Variants in SPHKAP observed in about 807,000 individuals in gnomAD.
SPHKAP encodes A-kinase anchor protein SPHKAP.
A neutral mutation model predicts 137.5 loss-of-function variants in SPHKAP; 67 were observed. The ratio of observed to expected loss-of-function variants is 0.49; its 90% CI spans 0.40 to 0.60. SPHKAP has a LOEUF of 0.60. Among genes scored for constraint, SPHKAP ranks in the 20% least tolerant of loss-of-function variants. SPHKAP has a pLI of 0.00. For synonymous variants in SPHKAP, 813 were observed against 785.3 expected (o/e 1.04, Z -0.59); for missense variants, 2,097 against 2,069.3 (o/e 1.01, Z -0.26).
chr2:228,173,747 T>C (rs776893343), intron 1 of SPHKAP, among the ~76,000 whole-genome samples: 10 of 152,208 alleles, frequency 6.6e-5, no homozygotes, highest in Non-Finnish European at 1.5e-4. Context: ...TGTGAGATGA[T>C]AAATGTATTG....
chr2:228,164,914 G>T (rs981504607), intron 1 of SPHKAP, among the ~76,000 whole-genome samples: 5 of 152,178 alleles, frequency 3.3e-5, no homozygotes, highest in African/African-American at 1.2e-4. Context: ...GCGCACACAT[G>T]TCAATTTGCT....
intron 1 of SPHKAP, among the ~76,000 whole-genome samples, chr2:228,170,634 GT>G (rs869083518): frequency 6.6e-6 from 1 of 151,926 alleles, no homozygotes; most frequent in South Asian, 2.1e-4. Context: ...TTTTAATATA[GT>G]TTTTTTAAAT....
At position 228,062,409 on chromosome 2, in the gene SPHKAP, G is replaced by A. The variant is rs1057278539; in HGVS notation, c.247-34866C>T. 5.3e-5 allele frequency among the ~76,000 whole-genome samples: 8 copies of A among 151,970 alleles called. No homozygotes were observed. The East Asian group carries it at 7.7e-4, about 15-fold the overall frequency. On this transcript the variant is annotated intron_variant, in intron 3 of 11. Transcript: ENST00000392056. Reference sequence around the variant, plus strand: ...CAAAGTGCTGGGATTACAGGCAGGCGTGAGCCACCACACCCGGCCTCCCCA... The same window carrying A: ...CAAAGTGCTGGGATTACAGGCAGGCATGAGCCACCACACCCGGCCTCCCCA...
In SPHKAP at chr2:228,154,474, T is replaced by C. The variant is rs574904967; in HGVS notation, c.33-22389A>G. Among the ~76,000 whole-genome samples, 488 of 125,412 alleles carry C rather than the reference T, an allele frequency of 3.9e-3. 2 individuals are homozygous for C. Among genetic ancestry groups the C allele is most frequent in the African/African-American group, 0.014 (467 of 34,036 alleles). The allele number at this position is 125,412 out of a possible 152,430, so 82.3% of individuals were successfully genotyped here. Reference sequence around the variant, plus strand: ...TTAAATTCTATTTTTGTACAATTTGTAAATAAACTCTCTCTCTCTCTCTCT... The same window carrying C: ...TTAAATTCTATTTTTGTACAATTTGCAAATAAACTCTCTCTCTCTCTCTCT... On this transcript the variant is annotated intron_variant, in intron 1 of 11. Coordinates refer to ENST00000392056, the MANE Select transcript of SPHKAP (RefSeq NM_001142644.2).
rs1477385127 is a variant in SPHKAP, at chr2:228,016,819, C to T, written c.4035G>A (p.Glu1345=). 3.1e-6 allele frequency: 5 copies of T among 1,613,944 alleles called. No individual in the cohort carries two copies. Among genetic ancestry groups the T allele is most frequent in the Non-Finnish European group, 2.5e-6 (3 of 1,180,002 alleles). The change falls in exon 7 of 12, where the codon GAG becomes GAA. Residue 1345 remains glutamate, a synonymous_variant. Coordinates refer to ENST00000392056, the MANE Select transcript of SPHKAP (RefSeq NM_001142644.2). The part of the protein sequence containing the change: ...PVSGGSPSQA[E]KCANRLAASR... The stretch of plus-strand genomic sequence containing the variant: ...TCGCAGCTAATCTATTTGCACACTT[C>T]TCTGCTTGCGAGGGAGAGCCACCAG...
chr2:228,063,194 G>A (rs868585611), intron 3 of SPHKAP, among the ~76,000 whole-genome samples: 3 of 146,266 alleles, frequency 2.1e-5, no homozygotes, highest in Admixed American at 1.4e-4. Flanking sequence ...CTGTCTGTCT[G>A]TCTATCTATC....
chr2:228,034,461 A>C (rs148226176), intron 3 of SPHKAP, among the ~76,000 whole-genome samples: 2 of 151,772 alleles, frequency 1.3e-5, no homozygotes, highest in Non-Finnish European at 2.9e-5. Flanking sequence ...ACAAGGAGGA[A>C]CTGGTACCAT....
chr2:228,098,721 C>T (rs1255726609), intron 3 of SPHKAP, among the ~76,000 whole-genome samples: 2 of 149,154 alleles, frequency 1.3e-5, no homozygotes, highest in African/African-American at 5.0e-5. Flanking sequence ...ATGTAACTAA[C>T]CTGCACGTTG....
chr2:228,086,790 A>G (rs777788057), intron 3 of SPHKAP, among the ~76,000 whole-genome samples: 2 of 152,208 alleles, frequency 1.3e-5, no homozygotes, highest in Admixed American at 6.5e-5. Flanking sequence ...GGAGTCTGGG[A>G]AAGTTCAAGC....
At position 228,137,479 on chromosome 2, in the gene SPHKAP, TG is replaced by T. The variant is rs1196560659; in HGVS notation, c.33-5395del. Among the ~76,000 whole-genome samples, 11 of 152,378 alleles carry T rather than the reference TG, an allele frequency of 7.2e-5. 1 individual carries two copies. Among genetic ancestry groups the T allele is most frequent in the East Asian group, 5.8e-4 (3 of 5,188 alleles). On this transcript the variant is annotated intron_variant, in intron 1 of 11. Transcript: ENST00000392056. ...CTAATGAAAAGAGATTCTGCTGTTA[TG>T]CTTGCTAAAATGTCAAGTAAACACA...
chr2:228,032,173 A>T (rs533642494), intron 3 of SPHKAP, among the ~76,000 whole-genome samples: 1 of 152,354 alleles, frequency 6.6e-6, no homozygotes, highest in African/African-American at 2.4e-5. Flanking sequence ...TAACCAACGC[A>T]GAGAAGTCCT....
At chr2:228,034,643 C>T (rs1695506605) in intron 3 of SPHKAP, among the ~76,000 whole-genome samples, 1 of 152,154 alleles carries the variant, frequency 6.6e-6, no homozygotes, top group Non-Finnish European at 1.5e-5. Context: ...AAAATATTGG[C>T]AAACCGAATC....
intron 6 of SPHKAP, 104 bp from the exon 7 acceptor site, chr2:228,020,260 A>G: frequency 1.4e-6 from 2 of 1,439,826 alleles, no homozygotes; most frequent in Non-Finnish European, 9.2e-7. Context: ...ATAAAGACAC[A>G]TGCACACATA....
Position 228,020,102 on chromosome 2 carries a change from C to G in SPHKAP, c.752G>C (p.Gly251Ala), listed in dbSNP as rs762864182. The change falls in exon 7 of 12, where the codon GGA becomes GCA. Residue 251 changes from glycine to alanine, a missense_variant. Physicochemically the swap from Gly to Ala is moderately conservative, Grantham distance 60. Coordinates refer to ENST00000392056, the MANE Select transcript of SPHKAP (RefSeq NM_001142644.2). ...GCAATTCCATTCCACCTGGGTGGCT[C>G]CCTTTAGCTGTTTACTTTCCAAAAC... ...ANVLESKQLK[G>A]ATQVEWNCNK... 2.5e-6 allele frequency: 4 copies of G among 1,613,486 alleles called. No homozygotes were observed. Among genetic ancestry groups the G allele is most frequent in the Non-Finnish European group, 3.4e-6 (4 of 1,179,902 alleles).
At chr2:228,009,611 C>T (rs1423067100) in intron 7 of SPHKAP, among the ~76,000 whole-genome samples, 1 of 151,800 alleles carries the variant, frequency 6.6e-6, no homozygotes, top group African/African-American at 2.4e-5. Flanking sequence ...GCATTTTTTG[C>T]TTGGATGTTA....
At chr2:227,982,051 ATTT>A (rs3082640) in intron 11 of SPHKAP, 191 bp from the exon 12 acceptor site, 137,805 of 928,712 alleles carry the variant, frequency 0.15, 4,109 homozygotes, top group East Asian at 0.37. Flanking sequence ...CATCAAGTGA[ATTT>A]TTTTTTTTTT....
At chr2:228,007,051 T>C (rs771970067) in intron 7 of SPHKAP, among the ~76,000 whole-genome samples, 1 of 152,212 alleles carries the variant, frequency 6.6e-6, no homozygotes, top group Admixed American at 6.5e-5. Context: ...GGAGAACCAC[T>C]ACTCTCTTCA....
intron 3 of SPHKAP, among the ~76,000 whole-genome samples, chr2:228,050,099 T>A (rs1696203553): frequency 6.6e-6 from 1 of 152,062 alleles, no homozygotes; most frequent in Non-Finnish European, 1.5e-5. Context: ...ATGATCAACA[T>A]TACTAATTCT....
intron 7 of SPHKAP, among the ~76,000 whole-genome samples, chr2:228,007,573 C>T (rs1271080089): frequency 6.6e-6 from 1 of 152,030 alleles, no homozygotes; most frequent in African/African-American, 2.4e-5. Context: ...GTATTTGTCT[C>T]TCAGTGCTTG....
Sources: allele counts gnomAD v4.1 joint callset (sites outside exome capture counted in the v4.1 genomes callset), GRCh38; gene constraint gnomAD v4.1.1; transcripts MANE v1.5; gene names NCBI Gene and HGNC (gene_info 2026-07-23, HGNC 2026-07-21).